UFL1: variants seen among roughly 807,000 people sequenced by gnomAD.
UFL1 encodes E3 UFM1-protein ligase 1.
A neutral mutation model predicts 99.3 loss-of-function variants in UFL1; 78 were observed. That is an observed-to-expected ratio of 0.79 (90% CI 0.65 to 0.95). The LOEUF is 0.95. Among genes scored for constraint, UFL1 ranks in the 40% least tolerant of loss-of-function variants. UFL1 has a pLI of 0.00. For synonymous variants in UFL1, 335 were observed against 322.2 expected, an observed-to-expected ratio of 1.04 and a Z score of -0.42; for missense variants, 936 against 937.0, an observed-to-expected ratio of 1.00 and a Z score of 0.01.
intron 12 of UFL1, among the ~76,000 whole-genome samples, chr6:96,545,026 A>C (rs1191963050): frequency 1.3e-5 from 2 of 151,082 alleles, no homozygotes; most frequent in Non-Finnish European, 3.0e-5. Context: ...ACTAGAAGAA[A>C]ATATAATTTA....
intron 6 of UFL1, among the ~76,000 whole-genome samples, chr6:96,531,164 G>T (rs1481958724): frequency 6.6e-6 from 1 of 152,180 alleles, no homozygotes; most frequent in Non-Finnish European, 1.5e-5. Flanking sequence ...CCACAACCCG[G>T]GTCCGTGCAA....
intron 11 of UFL1, among the ~76,000 whole-genome samples, chr6:96,541,388 T>C (rs927988504): frequency 2.0e-5 from 3 of 151,516 alleles, no homozygotes; most frequent in African/African-American, 4.8e-5. Context: ...ATCACTGATA[T>C]GCTTGTAATT....
Position 96,552,606 on chromosome 6 carries a change from G to A in UFL1, c.2110G>A (p.Ala704Thr), listed in dbSNP as rs559438960. Residue 704 changes from alanine to threonine, a missense_variant, in exon 18 of 19, where the codon GCA (alanine) becomes ACA (threonine). Physicochemically the swap from Ala to Thr is moderately conservative, Grantham distance 58 (BLOSUM62 0). Transcript: ENST00000369278. Reference sequence around the variant, plus strand: ...GTTTTCAACCCACAGCATGCTCCATGCACCTGGAAGATGTGTCCCACAGAT... The same window carrying A: ...GTTTTCAACCCACAGCATGCTCCATACACCTGGAAGATGTGTCCCACAGAT... ...FQFSTHSMLH[A>T]PGRCVPQIIA... 1.3e-5 allele frequency: 21 copies of A among 1,612,502 alleles called. No individual in the cohort carries two copies. In the South Asian group the frequency reaches 2.1e-4, roughly 16 times the overall value.
At chr6:96,536,476 C>T in intron 8 of UFL1, 86 bp downstream of exon 8, 1 of 970,164 alleles carries the variant, frequency 1.0e-6, no homozygotes, top group Non-Finnish European at 1.4e-6. Context: ...CTAGAGTCCT[C>T]CTTTGATCTG....
intron 12 of UFL1, among the ~76,000 whole-genome samples, chr6:96,543,891 A>G (rs1769964951): frequency 6.6e-6 from 1 of 151,160 alleles, no homozygotes; most frequent in Non-Finnish European, 1.5e-5. Context: ...CCATGTTCTA[A>G]TGTGTTAAAA....
intron 1 of UFL1, 148 bp downstream of exon 1, chr6:96,522,098 G>A: frequency 9.9e-7 from 1 of 1,007,658 alleles, no homozygotes; most frequent in South Asian, 1.6e-5. Flanking sequence ...CCCGAGCCTG[G>A]ATCGCAGTTC....
chr6:96,532,361 A>G (rs1483630819), intron 6 of UFL1, among the ~76,000 whole-genome samples: 1 of 152,238 alleles, frequency 6.6e-6, no homozygotes, highest in Non-Finnish European at 1.5e-5. Flanking sequence ...GGAGAGCAAA[A>G]TTCACAGAGG....
intron 6 of UFL1, among the ~76,000 whole-genome samples, chr6:96,531,055 T>C (rs1488145308): frequency 6.6e-6 from 1 of 152,220 alleles, no homozygotes; most frequent in Non-Finnish European, 1.5e-5. Flanking sequence ...GTGAACCCTA[T>C]TGTGAACTGC....
At chr6:96,545,902 C>T (rs1407315445) in intron 12 of UFL1, among the ~76,000 whole-genome samples, 3 of 151,006 alleles carry the variant, frequency 2.0e-5, no homozygotes, top group Non-Finnish European at 4.4e-5. Flanking sequence ...AACGACAAAC[C>T]CACAACAGCA....
rs1408740290 is a variant in UFL1, at chr6:96,548,095, C to G, written c.1403-69C>G. On this transcript the variant is annotated intron_variant, in intron 12 of 18. Coordinates refer to ENST00000369278, the MANE Select transcript of UFL1 (RefSeq NM_015323.5). Reference sequence around the variant, plus strand: ...TGTCTTACTAAATATAGTAATGGAGCCCTATTTGCCATTTGGTTGCATGTT... The same window carrying G: ...TGTCTTACTAAATATAGTAATGGAGGCCTATTTGCCATTTGGTTGCATGTT... 9.7e-6 allele frequency: 9 copies of G among 928,660 alleles called. No homozygotes were observed. The East Asian group carries it at 1.4e-4, about 15-fold the overall frequency. The allele number at this position is 928,660 out of a possible 1,614,324, so 57.5% of individuals were successfully genotyped here. A position where few individuals can be genotyped will look rare whatever the true frequency, so the allele number is the denominator to read the frequency against.
intron 11 of UFL1, among the ~76,000 whole-genome samples, chr6:96,541,005 T>C (rs986173791): frequency 5.3e-5 from 8 of 151,346 alleles, no homozygotes; most frequent in African/African-American, 1.9e-4. Flanking sequence ...TCAAAGCTTT[T>C]ACACCAACTG....
intron 3 of UFL1, 38 bp downstream of exon 3, chr6:96,524,448 T>C (rs1769671288): frequency 6.7e-7 from 1 of 1,502,644 alleles, no homozygotes; most frequent in South Asian, 1.3e-5. Context: ...CTTTACTTTC[T>C]CAATTTTTTG....
intron 6 of UFL1, among the ~76,000 whole-genome samples, chr6:96,531,577 G>GTGGT (rs1322568602): frequency 3.3e-5 from 5 of 152,314 alleles, no homozygotes; most frequent in African/African-American, 1.2e-4. Context: ...CAAGAAATGG[G>GTGGT]TGGTTGTTTC....
intron 8 of UFL1, among the ~76,000 whole-genome samples, chr6:96,537,002 C>T (rs1322003987): frequency 6.6e-6 from 1 of 151,316 alleles, no homozygotes; most frequent in East Asian, 1.9e-4. Context: ...TATATACACA[C>T]ATATATATAG....
chr6:96,523,050 A>C, intron 1 of UFL1, 96 bp from the exon 2 acceptor site: 1 of 1,280,676 alleles, frequency 7.8e-7, no homozygotes, highest in Non-Finnish European at 1.0e-6. Context: ...TGACTAAACA[A>C]ACTTTTTAAA....
chr6:96,528,577 G>A lies in UFL1; in HGVS notation c.541G>A (p.Ala181Thr). The A allele has an allele frequency of 6.2e-7, 1 of 1,613,888 alleles. No homozygotes were observed. The highest frequency in any genetic ancestry group is 8.5e-7 in the Non-Finnish European group (1 of 1,179,858). The change falls in exon 6 of 19, where the codon GCT becomes ACT. Residue 181 changes from alanine (A) to threonine (T), a missense_variant. By Grantham distance (58) the Ala-to-Thr change is moderately conservative. Transcript: ENST00000369278. ...TAATAGAGGAGTAATTTTTACGGAAGCTTTTGTAGCTCGACATAAAGCACG... is the reference window on the plus strand; with the variant it reads ...TAATAGAGGAGTAATTTTTACGGAAACTTTTGTAGCTCGACATAAAGCACG... Reference protein sequence around the residue: ...LDNRGVIFTEAFVARHKARIR... With the variant: ...LDNRGVIFTETFVARHKARIR...
rs527375127 is a variant in UFL1 at position 96,541,156 on chromosome 6, T to C, written c.1279+501T>C. On this transcript the variant is annotated intron_variant, in intron 11 of 18. Coordinates refer to ENST00000369278, the MANE Select transcript of UFL1 (RefSeq NM_015323.5). ...GTAGCCACAGTCACTCTCTGCCACC[T>C]CATTTTGTCAGTTTATTTGCATCAC... Among the ~76,000 whole-genome samples the C allele has an allele frequency of 2.6e-4, 39 of 151,544 alleles. 1 individual carries two copies. The highest frequency in any genetic ancestry group is 8.7e-4 in the African/African-American group (36 of 41,472).
At chr6:96,533,398 A>G (rs1165117147) in intron 6 of UFL1, among the ~76,000 whole-genome samples, 1 of 152,234 alleles carries the variant, frequency 6.6e-6, no homozygotes, top group Middle Eastern at 3.4e-3. Flanking sequence ...TGGTATATTC[A>G]TACTAGGGAA....
chr6:96,526,710 A>G (rs1313131655), intron 5 of UFL1, among the ~76,000 whole-genome samples: 1 of 152,204 alleles, frequency 6.6e-6, no homozygotes, highest in East Asian at 1.9e-4. Flanking sequence ...GCTTTGATGC[A>G]ATTAGCAAAT....
Sources: gnomAD v4.1 joint callset for allele counts (sites outside exome capture counted in the v4.1 genomes callset) on GRCh38, gnomAD v4.1.1 for gene constraint, MANE v1.5 for transcripts, NCBI Gene and HGNC (gene_info 2026-07-23, HGNC 2026-07-21) for gene names.